The following ATG2B variants were observed in gnomAD, a reference collection of about 807,000 sequenced individuals.
ATG2B encodes the protein autophagy related 2B, also known as autophagy-related protein 2 homolog B.
ATG2B carries 121 observed loss-of-function variants against 241.3 expected under a neutral mutation model. That is an observed-to-expected ratio of 0.50 (90% CI 0.43 to 0.58). The LOEUF is 0.58. Among genes scored for constraint, ATG2B ranks in the 20% least tolerant of loss-of-function variants. ATG2B has a pLI of 0.00. For synonymous variants in ATG2B, 858 were observed against 876.6 expected (o/e 0.98, Z 0.37); for missense variants, 2,306 against 2,491.6 (o/e 0.93, Z 1.59).
chr14:96,292,742 G>A (rs1007357805), intron 36 of ATG2B, among the ~76,000 whole-genome samples: 9 of 152,254 alleles, frequency 5.9e-5, no homozygotes, highest in African/African-American at 1.9e-4. Context: ...CAGAATTATC[G>A]ACAAACAAAT....
At chr14:96,348,833 TA>T (rs2139901601) in intron 1 of ATG2B, among the ~76,000 whole-genome samples, 1 of 152,322 alleles carries the variant, frequency 6.6e-6, no homozygotes, top group African/African-American at 2.4e-5. Context: ...TACCCTGATG[TA>T]ATTATTAGGC....
rs993577448 is a variant in ATG2B, at chr14:96,289,059, G to A, written c.6006+597C>T. Among the ~76,000 whole-genome samples, 3 of 152,162 alleles carry A rather than the reference G, an allele frequency of 2.0e-5. No individual in the cohort carries two copies. The highest frequency in any genetic ancestry group is 2.9e-5 in the Non-Finnish European group (2 of 68,024). The stretch of plus-strand genomic sequence containing the variant: ...TCATACAGTGAAATACCATAAAACT[G>A]TGGAAATTAGACCTACATGGATTAA... On this transcript the variant is annotated intron_variant, in intron 41 of 41. Transcript: ENST00000359933. This position sits in a 1 kb window ranked among gnomAD's most constrained non-coding sequence, Gnocchi z 4.3.
chr14:96,354,129 T>C (rs1888409768), intron 1 of ATG2B, among the ~76,000 whole-genome samples: 1 of 152,236 alleles, frequency 6.6e-6, no homozygotes, highest in Non-Finnish European at 1.5e-5. Context: ...CACTCCTTCA[T>C]TTATTTTTTC....
At chr14:96,340,964 T>C (rs1480450536) in intron 6 of ATG2B, among the ~76,000 whole-genome samples, 2 of 150,322 alleles carry the variant, frequency 1.3e-5, no homozygotes. Context: ...TGATATATTA[T>C]ATAGGTTTAT....
chr14:96,308,663 T>C (rs960174162), intron 29 of ATG2B, among the ~76,000 whole-genome samples: 1 of 151,896 alleles, frequency 6.6e-6, no homozygotes, highest in African/African-American at 2.4e-5. Flanking sequence ...CCAGTTTGCT[T>C]CCTTAGTTCT....
At chr14:96,357,792 C>A (rs1888519109) in intron 1 of ATG2B, among the ~76,000 whole-genome samples, 1 of 151,956 alleles carries the variant, frequency 6.6e-6, no homozygotes, top group Non-Finnish European at 1.5e-5. Flanking sequence ...AGTATTTCCA[C>A]AACTAAAAGT....
chr14:96,313,170 A>G lies in ATG2B; in HGVS notation c.3750-13T>C. Reference sequence around the variant, plus strand: ...CAAATAAAGGGGTCTAATGCCAAAGAGAAACAAAAGAACATCAGTTTGATA... The same window carrying G: ...CAAATAAAGGGGTCTAATGCCAAAGGGAAACAAAAGAACATCAGTTTGATA... On this transcript the variant is annotated splice_polypyrimidine_tract_variant and intron_variant, in intron 24 of 41. Transcript: ENST00000359933. 1.3e-6 allele frequency: 2 copies of G among 1,584,390 alleles called. No individual in the cohort carries two copies. Among genetic ancestry groups the G allele is most frequent in the Non-Finnish European group, 1.7e-6 (2 of 1,154,358 alleles).
intron 1 of ATG2B, among the ~76,000 whole-genome samples, chr14:96,354,210 G>A (rs913624512): frequency 1.6e-4 from 24 of 152,152 alleles, no homozygotes; most frequent in Admixed American, 1.3e-3. Context: ...GTCCCATGGT[G>A]GTTTGCTGCA....
intron 29 of ATG2B, among the ~76,000 whole-genome samples, chr14:96,308,235 T>C (rs1385696084): frequency 1.8e-4 from 4 of 22,116 alleles, no homozygotes; most frequent in Non-Finnish European, 3.3e-4. Context: ...TATATACATA[T>C]ATATATATAT....
At chr14:96,299,309 A>G (rs1409088788) in intron 34 of ATG2B, among the ~76,000 whole-genome samples, 1 of 152,188 alleles carries the variant, frequency 6.6e-6, no homozygotes, top group African/African-American at 2.4e-5. Context: ...TCACCCTTCC[A>G]AACTCCCAGT....
At chr14:96,360,933 C>CAAAA (rs35630598) in intron 1 of ATG2B, among the ~76,000 whole-genome samples, 820 of 73,446 alleles carry the variant, frequency 0.011, 19 homozygotes, top group South Asian at 0.038. Context: ...AATCCTCTAC[C>CAAAA]AAAAAAAAAA....
Position 96,332,380 on chromosome 14 carries a change from G to C in ATG2B, c.1393C>G (p.His465Asp). 6.2e-7 allele frequency: 1 copy of C among 1,613,764 alleles called. No homozygotes were observed. Among genetic ancestry groups the C allele is most frequent in the Non-Finnish European group, 8.5e-7 (1 of 1,179,744 alleles). The change falls in exon 10 of 42, where the codon CAT (histidine) becomes GAT (aspartate). Residue 465 changes from histidine (H) to aspartate (D), a missense_variant. By Grantham distance (81) the His-to-Asp change is moderately conservative. Transcript: ENST00000359933. ...LQPTWGEFLDHHKEQPVRGST... is the reference protein window; with the variant it reads ...LQPTWGEFLDDHKEQPVRGST... ...CCTCTTACTGGCTGTTCTTTATGAT[G>C]ATCAAGGAACTCTCCCCAAGTGGGC...
chr14:96,341,573 C>T lies in ATG2B; in HGVS notation c.873G>A (p.Arg291=), dbSNP rs763968228. 3 of 1,603,944 alleles carry T rather than the reference C, an allele frequency of 1.9e-6. No individual in the cohort carries two copies. In the African/African-American group the frequency reaches 4.0e-5, roughly 21 times the overall value. The change falls in exon 6 of 42, where the codon AGG becomes AGA. Residue 291 remains arginine (R), a synonymous_variant. Coordinates refer to ENST00000359933, the MANE Select transcript of ATG2B (RefSeq NM_018036.7). ...DPVQIGRLIG[R]LELSLTLKQN... ...GTTTCAACGTGAGACTCAACTCCAA[C>T]CTACCAATTAACCGTCCAATCTGCA... is the stretch of plus-strand genomic sequence containing the variant.
rs747451546 is a variant in ATG2B at position 96,345,389 on chromosome 14, T to G, written c.326-4A>C. The stretch of plus-strand genomic sequence containing the variant: ...TACATAGGCTCAGAACCAGTTGCTG[T>G]GGAAAATATAAATTAATCCTAAATA... On this transcript the variant is annotated splice_polypyrimidine_tract_variant and splice_region_variant and intron_variant, in intron 2 of 41. Transcript: ENST00000359933. 3 of 1,586,640 alleles carry G rather than the reference T, an allele frequency of 1.9e-6. No homozygotes were observed. The highest frequency in any genetic ancestry group is 1.7e-6 in the Non-Finnish European group (2 of 1,170,710).
chr14:96,336,755 T>C (rs745879372), intron 6 of ATG2B, among the ~76,000 whole-genome samples: 2 of 152,170 alleles, frequency 1.3e-5, no homozygotes, highest in Non-Finnish European at 2.9e-5. Context: ...ATATTATTAG[T>C]ATAGTTTCCC....
chr14:96,311,438 C>G (rs768796818), intron 27 of ATG2B, 104 bp downstream of exon 27: 1 of 1,200,388 alleles, frequency 8.3e-7, no homozygotes, highest in Admixed American at 2.2e-5. Flanking sequence ...AATATACTTA[C>G]TCTATTTCTG....
At chr14:96,316,269 C>T (rs183978222) in intron 21 of ATG2B, among the ~76,000 whole-genome samples, 1 of 152,250 alleles carries the variant, frequency 6.6e-6, no homozygotes, top group East Asian at 1.9e-4. Flanking sequence ...GTGACGGTTG[C>T]ATAACTCTTG....
chr14:96,363,215 G>A lies in ATG2B; in HGVS notation c.-239C>T. ...GGCCCCAGGCCAGGGGACTTCCGAG[G>A]AGGGTCCCAACCGGCTCGGAGAGAG... On this transcript the variant is annotated 5_prime_UTR_variant, in exon 1 of 42. Transcript: ENST00000359933. 3 of 514,190 alleles carry A rather than the reference G, an allele frequency of 5.8e-6. No individual in the cohort carries two copies. The highest frequency in any genetic ancestry group is 1.0e-5 in the Non-Finnish European group (3 of 288,956). 31.9% of individuals were successfully genotyped at this position (514,190 alleles called of 1,614,324 possible).
chr14:96,317,111 A>C, intron 20 of ATG2B, 34 bp downstream of exon 20: 1 of 1,549,786 alleles, frequency 6.5e-7, no homozygotes, highest in Non-Finnish European at 8.8e-7. Flanking sequence ...AGTAAGATAC[A>C]TTTGAAAAAA....
Sources: allele counts gnomAD v4.1 joint callset (sites outside exome capture counted in the v4.1 genomes callset), GRCh38; gene constraint gnomAD v4.1.1; non-coding constraint Gnocchi (gnomAD v3.1); transcripts MANE v1.5; gene names NCBI Gene and HGNC (gene_info 2026-07-23, HGNC 2026-07-21).